Variants in SRCAP observed in about 807,000 individuals in gnomAD.
SRCAP encodes chromatin remodeling protein SRCAP.
SRCAP carries 46 observed loss-of-function variants against 263.1 expected under a neutral mutation model. The ratio of observed to expected loss-of-function variants is 0.17; its 90% confidence interval spans 0.14 to 0.22. SRCAP has a LOEUF of 0.22. Among genes scored for constraint, SRCAP ranks in the 10% least tolerant of loss-of-function variants. The probability of loss-of-function intolerance (pLI) is 1.00; values close to 1 mark genes in which losing one functional copy is unlikely to be tolerated. For missense variants in SRCAP, 3,695 were observed against 4,181.9 expected (o/e 0.88, Z 3.21); for synonymous variants, 1,813 against 1,662.1 (o/e 1.09, Z -2.21).
intron 10 of SRCAP, 91 bp from the exon 11 acceptor site, chr16:30,711,480 A>G: frequency 1.5e-6 from 2 of 1,346,930 alleles, no homozygotes; most frequent in East Asian, 2.3e-5. Flanking sequence ...AGCAGTATCT[A>G]CAGAGACCTA....
At chr16:30,722,536 CTCTCTT>C (rs1181887576) in intron 22 of SRCAP, 21 bp from the exon 23 acceptor site, 2 of 1,608,560 alleles carry the variant, frequency 1.2e-6, no homozygotes, top group African/African-American at 1.3e-5. Flanking sequence ...CTGCTTCTCT[CTCTCTT>C]TCTCTCTTCC....
intron 18 of SRCAP, among the ~76,000 whole-genome samples, chr16:30,718,297 C>T (rs1418745239): frequency 2.0e-5 from 3 of 152,116 alleles, no homozygotes; most frequent in Non-Finnish European, 2.9e-5. Flanking sequence ...CTGCCTCAGC[C>T]TCCCGAGTAG....
intron 16 of SRCAP, 122 bp from the exon 17 acceptor site, chr16:30,715,944 C>A: frequency 7.7e-7 from 1 of 1,305,382 alleles, no homozygotes; most frequent in Non-Finnish European, 1.1e-6. Flanking sequence ...GTTGACTCAT[C>A]TTTGTGTGGT....
chr16:30,723,037 C>T lies in SRCAP; in HGVS notation c.3967C>T (p.Pro1323Ser), dbSNP rs541793208. ...ACAAGCCCCTCGGGATGGACTGACT[C>T]CTGTTCCTCCATTGGCCCCAGCACC... ...VRQAPRDGLT[P>S]VPPLAPAPRP... The change falls in exon 24 of 34, where the codon CCT (proline) becomes TCT (serine). Residue 1323 changes from proline (P) to serine (S), a missense_variant. By Grantham distance (74) the Pro-to-Ser change is moderately conservative (BLOSUM62 -1). Coordinates refer to ENST00000262518, the MANE Select transcript of SRCAP (RefSeq NM_006662.3). 3 of 1,614,090 alleles carry T rather than the reference C, an allele frequency of 1.9e-6. No homozygotes were observed. The highest frequency in any genetic ancestry group is 4.5e-5 in the East Asian group (2 of 44,862).
rs761988956 is a variant in SRCAP at position 30,720,258 on chromosome 16, C to T, written c.2914C>T (p.Arg972Trp). The T allele has an allele frequency of 3.3e-5, 54 of 1,614,078 alleles. No individual in the cohort carries two copies. Among genetic ancestry groups the T allele is most frequent in the African/African-American group, 5.3e-5 (4 of 74,936 alleles). ...TFLPRHRLSR[R>W]VLLEVATAPD... is the part of the protein sequence containing the mutation. ...TCTGCCCCGGCACCGCCTCTCTCGC[C>T]GGGTACTGTTAGAAGTGGCTACTGC... Residue 972 changes from arginine (R) to tryptophan (W), a missense_variant, in exon 19 of 34, where the codon CGG becomes TGG. By Grantham distance (101) the Arg-to-Trp change is moderately radical (BLOSUM62 -3). Around this residue, in one of 12 missense-constraint regions of SRCAP, gnomAD observed 147 missense variants for 212.7 expected, o/e 0.69. Transcript: ENST00000262518.
In SRCAP at chr16:30,724,725, G is replaced by T. The variant is rs747139648; in HGVS notation, c.5301G>T (p.Thr1767=). ...CAGTGGGCCCAGCCCCAGCTCACAC[G>T]CTGACTTTGGCTCCAGCATCGTCAT... is the stretch of plus-strand genomic sequence containing the variant. ...ASPVGPAPAH[T]LTLAPASSSA... Residue 1767 remains threonine (T), a synonymous_variant, in exon 25 of 34, where the codon ACG becomes ACT. Transcript: ENST00000262518. 3.1e-6 allele frequency: 5 copies of T among 1,613,746 alleles called. No homozygotes were observed. Among genetic ancestry groups the T allele is most frequent in the Admixed American group, 1.7e-5 (1 of 59,968 alleles).
intron 30 of SRCAP, 25 bp from the exon 31 acceptor site, chr16:30,734,471 C>T (rs2053140773): frequency 4.3e-6 from 7 of 1,612,970 alleles, no homozygotes; most frequent in Non-Finnish European, 5.9e-6. Flanking sequence ...TTGACTCTGA[C>T]ACTTCCCTCT....
Position 30,739,965 on chromosome 16 carries a change from C to A in SRCAP, c.*232C>A. 1 of 526,290 alleles carries A rather than the reference C, an allele frequency of 1.9e-6. No individual in the cohort carries two copies. The highest frequency in any genetic ancestry group is 3.0e-6 in the Non-Finnish European group (1 of 333,754). 32.6% of individuals were successfully genotyped at this position (526,290 alleles called of 1,614,324 possible). ...CGTGGCTGGGCAGTGTTAAGGGTGG[C>A]AAGATAGTCTCTGTCCCCACCCCCT... is the stretch of plus-strand genomic sequence containing the variant. On this transcript the variant is annotated 3_prime_UTR_variant, in exon 34 of 34. Transcript: ENST00000262518.
intron 21 of SRCAP, 25 bp downstream of exon 21, chr16:30,721,501 A>AGG: frequency 6.2e-7 from 1 of 1,600,006 alleles, no homozygotes; most frequent in Non-Finnish European, 8.5e-7. Context: ...CTCTGTGGTG[A>AGG]GGGACTTGAG....
Position 30,725,051 on chromosome 16 carries a change from C to T in SRCAP, c.5627C>T (p.Pro1876Leu), listed in dbSNP as rs754939692. The T allele has an allele frequency of 5.0e-6, 8 of 1,612,618 alleles. No homozygotes were observed. The East Asian group carries it at 1.3e-4, about 27-fold the overall frequency. The part of the protein sequence containing the change: ...SFGGPRPRRQ[P>L]PPPPRSPFYL... ...GGTGGCCCCCGGCCTCGACGCCAGC[C>T]CCCCCCACCACCTCGTTCCCCTTTT... Residue 1876 changes from proline (P) to leucine (L), a missense_variant, in exon 25 of 34, where the codon CCC (proline) becomes CTC (leucine). This residue lies in a region of SRCAP where 1,347 missense variants were observed against 1,304.4 expected (regional missense o/e 1.03). Transcript: ENST00000262518.
At position 30,737,517 on chromosome 16, in the gene SRCAP, CCTT is replaced by C; in HGVS notation, c.7478_7480del (p.Pro2493_Cys2494delinsArg). ...TCCTCCCCCTCCTTCACAGATTCCT[CCTT>C]GTTCTTCTCCTGCCTGCACCCCTCC... is the stretch of plus-strand genomic sequence containing the variant. On this transcript the variant is annotated inframe_deletion, in exon 34 of 34. Transcript: ENST00000262518. The C allele has an allele frequency of 6.2e-7, 1 of 1,604,228 alleles. No individual in the cohort carries two copies. The highest frequency in any genetic ancestry group is 8.5e-7 in the Non-Finnish European group (1 of 1,171,316).
chr16:30,716,561 C>T, intron 18 of SRCAP, 82 bp downstream of exon 18: 1 of 1,307,444 alleles, frequency 7.6e-7, no homozygotes, highest in African/African-American at 1.5e-5. Context: ...AGACTGGGGT[C>T]TGACTTTTGC....
In SRCAP at chr16:30,713,731, G is replaced by C; in HGVS notation, c.2493+20G>C. 6.2e-7 allele frequency: 1 copy of C among 1,611,442 alleles called. No homozygotes were observed. The highest frequency in any genetic ancestry group is 8.5e-7 in the Non-Finnish European group (1 of 1,178,572). ...CACAAGGTAGGGCCTGCAACAGTTT[G>C]TCAGGGTATTGGGAATGGTAAGGAA... On this transcript the variant is annotated intron_variant, in intron 16 of 33. Coordinates refer to ENST00000262518, the MANE Select transcript of SRCAP (RefSeq NM_006662.3).
Position 30,725,015 on chromosome 16 carries a change from C to T in SRCAP, c.5591C>T (p.Ala1864Val). The T allele has an allele frequency of 6.2e-7, 1 of 1,614,154 alleles. No homozygotes were observed. Among genetic ancestry groups the T allele is most frequent in the Non-Finnish European group, 8.5e-7 (1 of 1,180,006 alleles). The stretch of plus-strand genomic sequence containing the variant: ...GGTCCCCCCAGCCCTCCCTCCACTG[C>T]TACCTCGTTTGGTGGCCCCCGGCCT... ...RSGPPSPPST[A>V]TSFGGPRPRR... The change falls in exon 25 of 34, where the codon GCT becomes GTT. Residue 1864 changes from alanine (A) to valine (V), a missense_variant. Coordinates refer to ENST00000262518, the MANE Select transcript of SRCAP (RefSeq NM_006662.3).
intron 18 of SRCAP, 126 bp from the exon 19 acceptor site, chr16:30,720,036 A>G: frequency 2.0e-6 from 2 of 1,000,366 alleles, no homozygotes; most frequent in East Asian, 2.5e-5. Flanking sequence ...GTGAGTGAGT[A>G]CATGTGGTAT....
chr16:30,735,950 A>C (rs1167865592), intron 31 of SRCAP, among the ~76,000 whole-genome samples: 1 of 151,272 alleles, frequency 6.6e-6, no homozygotes, highest in East Asian at 1.9e-4. Context: ...GCTGACTTTA[A>C]AGGAAGGGAA....
At chr16:30,713,423 A>T (rs1255798651) in intron 15 of SRCAP, 46 bp downstream of exon 15, 1 of 1,612,688 alleles carries the variant, frequency 6.2e-7, no homozygotes, top group Admixed American at 1.7e-5. Flanking sequence ...CTTGGCTAGA[A>T]GGGAGGGCTG....
rs1211882391 is a variant in SRCAP at position 30,704,124 on chromosome 16, G to T, written c.115G>T (p.Ala39Ser). The T allele has an allele frequency of 6.2e-7, 1 of 1,614,132 alleles. No individual in the cohort carries two copies. Among genetic ancestry groups the T allele is most frequent in the Admixed American group, 1.7e-5 (1 of 60,016 alleles). The change falls in exon 4 of 34, where the codon GCC becomes TCC. Residue 39 changes from alanine (A) to serine (S), a missense_variant. By Grantham distance (99) the Ala-to-Ser change is moderately conservative. Transcript: ENST00000262518. ...GTCCCCTGCCTCATCCAGTTCCCCA[G>T]CCTCTAGTGGGGCAGGCGGCATCTC... ...PVSPASSSSP[A>S]SSGAGGISPQ... is the part of the protein sequence containing the mutation.
rs1340097920 is a variant in SRCAP, at chr16:30,711,628, C to T, written c.1376C>T (p.Ser459Phe). 1.9e-6 allele frequency: 3 copies of T among 1,613,948 alleles called. No individual in the cohort carries two copies. The highest frequency in any genetic ancestry group is 2.2e-5 in the East Asian group (1 of 44,874). The change falls in exon 11 of 34, where the codon TCT (serine) becomes TTT (phenylalanine). Residue 459 changes from serine to phenylalanine, a missense_variant. By Grantham distance (155) the Ser-to-Phe change is radical. Coordinates refer to ENST00000262518, the MANE Select transcript of SRCAP (RefSeq NM_006662.3). ...TATGCAGGAGCCTATGCCCCAGGCT[C>T]TGGGAGCAGTGAAGATGAGGATGAA... Reference protein sequence around the residue: ...QQYAGAYAPGSGSSEDEDEDE... With the variant: ...QQYAGAYAPGFGSSEDEDEDE...
Sources: gnomAD v4.1 joint callset for allele counts (sites outside exome capture counted in the v4.1 genomes callset) on GRCh38, gnomAD v4.1.1 for gene constraint, gnomAD v4.1.1 regional missense constraint, MANE v1.5 for transcripts, NCBI Gene and HGNC (gene_info 2026-07-23, HGNC 2026-07-21) for gene names.